Variants in BCAS3 observed in about 807,000 individuals in gnomAD.
BCAS3 encodes the protein BCAS4/BCAS3 fusion.
In BCAS3, 53 loss-of-function variants were observed where a neutral mutation model predicts 116.1. That is an observed-to-expected ratio of 0.46 (90% confidence interval 0.37 to 0.57). The LOEUF is 0.57. Among genes scored for constraint, BCAS3 ranks in the 20% least tolerant of loss-of-function variants. The pLI is 0.00. For synonymous variants in BCAS3, 391 were observed against 408.2 expected (o/e 0.96, Z 0.51); for missense variants, 917 against 1,165.4 (o/e 0.79, Z 3.10).
At chr17:61,310,049 GT>G in intron 22 of BCAS3, among the ~76,000 whole-genome samples, 1 of 152,312 alleles carries the variant, frequency 6.6e-6, no homozygotes, top group Non-Finnish European at 1.5e-5. Context: ...TTCCATATGG[GT>G]AGTAATAATA....
At chr17:61,170,900 T>C (rs1173942442) in intron 22 of BCAS3, among the ~76,000 whole-genome samples, 1 of 152,050 alleles carries the variant, frequency 6.6e-6, no homozygotes, top group Non-Finnish European at 1.5e-5. Flanking sequence ...GCTGAGCACA[T>C]GGGAAACTAC....
At chr17:60,754,196 G>A (rs1227952663) in intron 6 of BCAS3, among the ~76,000 whole-genome samples, 3 of 151,690 alleles carry the variant, frequency 2.0e-5, no homozygotes, top group African/African-American at 7.3e-5. Flanking sequence ...CGCCATACCT[G>A]ACTTCTTTTT....
chr17:61,148,363 C>CCT (rs1274680846), intron 22 of BCAS3, among the ~76,000 whole-genome samples: 14 of 152,188 alleles, frequency 9.2e-5, no homozygotes, highest in Non-Finnish European at 2.1e-4. Flanking sequence ...ATGTGCCAGA[C>CCT]ACTGTTCCAA....
At chr17:60,747,787 A>G (rs189574879) in intron 6 of BCAS3, among the ~76,000 whole-genome samples, 95 of 152,304 alleles carry the variant, frequency 6.2e-4, no homozygotes, top group African/African-American at 2.2e-3. Context: ...ATCTACAGCT[A>G]TGTCAGAAGT....
chr17:60,962,928 T>TA lies in BCAS3; in HGVS notation c.1221+15577dup, dbSNP rs1326358051. The stretch of plus-strand genomic sequence containing the variant: ...ATTTGATTTTTGTTATGGTGAGAGA[T>TA]AGAGGTCTAGTTTCATTCTTCTGCA... On this transcript the variant is annotated intron_variant, in intron 14 of 23. Coordinates refer to ENST00000407086, the MANE Select transcript of BCAS3 (RefSeq NM_017679.5). This position sits in a 1 kb window ranked among gnomAD's most constrained non-coding sequence, Gnocchi z 4.4. Among the ~76,000 whole-genome samples, 2 of 152,202 alleles carry TA rather than the reference T, an allele frequency of 1.3e-5. No individual in the cohort carries two copies. Among genetic ancestry groups the TA allele is most frequent in the Non-Finnish European group, 2.9e-5 (2 of 68,026 alleles).
intron 13 of BCAS3, among the ~76,000 whole-genome samples, chr17:60,945,599 G>C (rs2060443946): frequency 6.6e-6 from 1 of 151,868 alleles, no homozygotes; most frequent in Admixed American, 6.6e-5. Flanking sequence ...CCAGGAGTTT[G>C]AGACCAGCCT....
At chr17:60,782,794 G>T (rs1228906199) in intron 6 of BCAS3, among the ~76,000 whole-genome samples, 2 of 151,416 alleles carry the variant, frequency 1.3e-5, no homozygotes, top group African/African-American at 4.9e-5. Context: ...CACCATGTTG[G>T]CCAGGATGGT....
chr17:61,210,131 G>A (rs1339547744), intron 22 of BCAS3, among the ~76,000 whole-genome samples: 1 of 152,104 alleles, frequency 6.6e-6, no homozygotes, highest in Admixed American at 6.5e-5. Context: ...AGTTGTAGAG[G>A]GACTGTGTCA....
intron 22 of BCAS3, among the ~76,000 whole-genome samples, chr17:61,187,176 C>G (rs1475343298): frequency 6.6e-6 from 1 of 152,060 alleles, no homozygotes; most frequent in African/African-American, 2.4e-5. Flanking sequence ...CAACATAAAC[C>G]AAGACTGTAA....
chr17:60,738,448 A>G (rs528845383), intron 5 of BCAS3, among the ~76,000 whole-genome samples: 2 of 152,174 alleles, frequency 1.3e-5, no homozygotes, highest in Admixed American at 1.3e-4. Context: ...ATCATTATGT[A>G]ATATCCCCCT....
At chr17:61,342,452 C>T (rs2057229552) in intron 22 of BCAS3, among the ~76,000 whole-genome samples, 1 of 151,990 alleles carries the variant, frequency 6.6e-6, no homozygotes, top group African/African-American at 2.4e-5. Context: ...AGCCTAGGGC[C>T]TGGTTCTTAA....
intron 19 of BCAS3, among the ~76,000 whole-genome samples, chr17:61,060,285 C>G (rs533669324): frequency 1.3e-5 from 2 of 151,408 alleles, no homozygotes; most frequent in Non-Finnish European, 2.9e-5. Flanking sequence ...CACCACCACA[C>G]CCGGCTAATT....
intron 19 of BCAS3, among the ~76,000 whole-genome samples, chr17:61,046,057 T>TTAATATATATATAATATATATATATTTA (rs2068253291): frequency 2.1e-4 from 4 of 19,088 alleles, no homozygotes; most frequent in Non-Finnish European, 2.1e-4. Flanking sequence ...AATATATATA[T>TTAATATATATATAATATATATATATTTA]TATATATATA....
At chr17:60,691,239 C>G (rs150708091) in intron 4 of BCAS3, among the ~76,000 whole-genome samples, 1 of 152,076 alleles carries the variant, frequency 6.6e-6, no homozygotes, top group Non-Finnish European at 1.5e-5. Context: ...AGCCTCCTAT[C>G]TCTTTGAGAC....
chr17:61,385,678 G>A (rs1316663071), intron 23 of BCAS3, among the ~76,000 whole-genome samples: 2 of 152,220 alleles, frequency 1.3e-5, no homozygotes, highest in African/African-American at 2.4e-5. Flanking sequence ...GAAGCCATCC[G>A]CTCCCCTGGG....
rs981250353 is a variant in BCAS3, at chr17:61,077,284, G to A, written c.2131-1049G>A. Among the ~76,000 whole-genome samples, 2 of 152,134 alleles carry A rather than the reference G, an allele frequency of 1.3e-5. No individual in the cohort carries two copies. Among genetic ancestry groups the A allele is most frequent in the Non-Finnish European group, 2.9e-5 (2 of 68,026 alleles). ...TGTAATCCCAGCACTTTGGGAGGCCGAGGCAGGCGGATCACCAGGTCAGGA... is the reference window on the plus strand; with the variant it reads ...TGTAATCCCAGCACTTTGGGAGGCCAAGGCAGGCGGATCACCAGGTCAGGA... On this transcript the variant is annotated intron_variant, in intron 20 of 23. Transcript: ENST00000407086. This position sits in a 1 kb window ranked among gnomAD's most constrained non-coding sequence, Gnocchi z 4.3.
At chr17:60,938,748 A>AGATG (rs1380488249) in intron 13 of BCAS3, among the ~76,000 whole-genome samples, 1 of 152,144 alleles carries the variant, frequency 6.6e-6, no homozygotes, top group Non-Finnish European at 1.5e-5. Context: ...ATAGATAGAT[A>AGATG]GATAGATAGA....
At chr17:61,113,000 C>T (rs1385315024) in intron 22 of BCAS3, among the ~76,000 whole-genome samples, 2,602 of 103,604 alleles carry the variant, frequency 0.025, 96 homozygotes, top group African/African-American at 0.07. Flanking sequence ...GGATACATAA[C>T]GAAATGAAGG....
intron 14 of BCAS3, among the ~76,000 whole-genome samples, chr17:60,969,019 C>G (rs562794433): frequency 6.7e-6 from 1 of 149,836 alleles, no homozygotes; most frequent in Admixed American, 6.7e-5. Flanking sequence ...TTTCTGTGCT[C>G]TTGATGCCAG....
Sources: allele counts gnomAD v4.1 joint callset (sites outside exome capture counted in the v4.1 genomes callset), GRCh38; gene constraint gnomAD v4.1.1; non-coding constraint Gnocchi (gnomAD v3.1); transcripts MANE v1.5; gene names NCBI Gene and HGNC (gene_info 2026-07-23, HGNC 2026-07-21).